The following CAMK4 variants were observed in gnomAD, a reference collection of about 807,000 sequenced individuals.
CAMK4 encodes calcium/calmodulin-dependent protein kinase type IV.
A neutral mutation model predicts 44.9 loss-of-function variants in CAMK4; 22 were observed. The observed-to-expected ratio is 0.49, with a 90% CI of 0.35 to 0.70. The LOEUF (loss-of-function observed/expected upper bound fraction) is 0.70. Among genes scored for constraint, CAMK4 ranks in the 30% least tolerant of loss-of-function variants. The pLI is 0.01. For synonymous variants in CAMK4, 218 were observed against 215.4 expected (o/e 1.01, Z -0.11); for missense variants, 498 against 586.8 (o/e 0.85, Z 1.56).
intron 5 of CAMK4, among the ~76,000 whole-genome samples, chr5:111,417,807 T>C (rs1752868546): frequency 6.6e-6 from 1 of 152,236 alleles, no homozygotes; most frequent in African/African-American, 2.4e-5. Flanking sequence ...CCTTGTATTA[T>C]CTAATAATTC....
At position 111,473,584 on chromosome 5, in the gene CAMK4, A is replaced by G. The variant is rs187456406; in HGVS notation, c.701+198A>G. ...ATTTTGGAATTTTCTTGAGACCGGA[A>G]TTCTTGTCCAGGGCTTTCCTATGTC... is the stretch of plus-strand genomic sequence containing the variant. On this transcript the variant is annotated intron_variant, in intron 8 of 10. Coordinates refer to ENST00000282356, the MANE Select transcript of CAMK4 (RefSeq NM_001744.6). 3.1e-4 allele frequency among the ~76,000 whole-genome samples: 47 copies of G among 152,310 alleles called. No homozygotes were observed. In the East Asian group the frequency reaches 3.5e-3, roughly 11 times the overall value.
intron 1 of CAMK4, among the ~76,000 whole-genome samples, chr5:111,293,726 C>A (rs1017548045): frequency 1.7e-4 from 26 of 148,586 alleles, no homozygotes; most frequent in Admixed American, 1.1e-3. Context: ...AGCCATCACG[C>A]CTGGCTGCTG....
intron 8 of CAMK4, among the ~76,000 whole-genome samples, chr5:111,477,312 G>C (rs1246955373): frequency 1.3e-5 from 2 of 152,218 alleles, no homozygotes; most frequent in African/African-American, 4.8e-5. Flanking sequence ...TGAGTAAAAG[G>C]ACATACGAAA....
intron 1 of CAMK4, among the ~76,000 whole-genome samples, chr5:111,262,063 GT>G (rs2112563554): frequency 6.6e-6 from 1 of 151,360 alleles, no homozygotes; most frequent in Non-Finnish European, 1.5e-5. Flanking sequence ...CCTTACATGG[GT>G]TTCTGAGCCC....
At chr5:111,244,416 C>G (rs1214378957) in intron 1 of CAMK4, among the ~76,000 whole-genome samples, 4 of 152,236 alleles carry the variant, frequency 2.6e-5, no homozygotes, top group Middle Eastern at 3.4e-3. Flanking sequence ...ATTGGAATCA[C>G]AGTTAAGAAT....
chr5:111,252,029 G>A (rs180915207), intron 1 of CAMK4, among the ~76,000 whole-genome samples: 6 of 152,264 alleles, frequency 3.9e-5, no homozygotes, highest in African/African-American at 1.4e-4. Flanking sequence ...TGTTACTTCT[G>A]GAGTCGTGTT....
At chr5:111,425,432 G>A (rs1753191143) in intron 5 of CAMK4, among the ~76,000 whole-genome samples, 1 of 152,156 alleles carries the variant, frequency 6.6e-6, no homozygotes, top group African/African-American at 2.4e-5. Flanking sequence ...AGCTTCCTGT[G>A]CTTTCAAAAT....
At chr5:111,326,868 T>C (rs1435742603) in intron 1 of CAMK4, among the ~76,000 whole-genome samples, 2 of 151,962 alleles carry the variant, frequency 1.3e-5, no homozygotes, top group Non-Finnish European at 2.9e-5. Context: ...AATAGGGTTG[T>C]GCATGGACCA....
At chr5:111,383,341 A>T (rs1356149563) in intron 4 of CAMK4, among the ~76,000 whole-genome samples, 1 of 152,222 alleles carries the variant, frequency 6.6e-6, no homozygotes, top group Non-Finnish European at 1.5e-5. Context: ...ATTTTGAAAA[A>T]GAAAGACTTT....
At chr5:111,417,300 T>G (rs1030412787) in intron 5 of CAMK4, among the ~76,000 whole-genome samples, 1 of 150,754 alleles carries the variant, frequency 6.6e-6, no homozygotes, top group Admixed American at 6.6e-5. Flanking sequence ...TCTCAGTACC[T>G]CCGCCCCCCG....
At chr5:111,245,765 C>T (rs749421523) in intron 1 of CAMK4, among the ~76,000 whole-genome samples, 59 of 152,164 alleles carry the variant, frequency 3.9e-4, no homozygotes, top group Admixed American at 1.8e-3. Context: ...TAAAATGCTG[C>T]GCATTCATGG....
chr5:111,470,670 T>C (rs1755032360), intron 7 of CAMK4, among the ~76,000 whole-genome samples: 1 of 152,208 alleles, frequency 6.6e-6, no homozygotes, highest in Admixed American at 6.5e-5. Context: ...GTGTTCCTTA[T>C]AGAAATTTTA....
At chr5:111,395,302 C>T (rs994710845) in intron 5 of CAMK4, among the ~76,000 whole-genome samples, 2 of 151,366 alleles carry the variant, frequency 1.3e-5, no homozygotes, top group Non-Finnish European at 2.9e-5. Context: ...ATTGATGACT[C>T]AAAGTCTGAA....
intron 2 of CAMK4, among the ~76,000 whole-genome samples, chr5:111,366,285 G>T (rs1750791348): frequency 6.6e-6 from 1 of 152,110 alleles, no homozygotes; most frequent in African/African-American, 2.4e-5. Context: ...AGGAAAATAA[G>T]ATAAGGCTGA....
intron 1 of CAMK4, among the ~76,000 whole-genome samples, chr5:111,231,192 T>G (rs765351120): frequency 6.6e-6 from 1 of 152,172 alleles, no homozygotes; most frequent in Non-Finnish European, 1.5e-5. Flanking sequence ...TCCTCAGTCA[T>G]TATCTTGTCA....
chr5:111,436,367 G>A (rs996360249), intron 5 of CAMK4, among the ~76,000 whole-genome samples: 9 of 152,180 alleles, frequency 5.9e-5, no homozygotes, highest in Non-Finnish European at 1.2e-4. Context: ...CACTGTCAGT[G>A]TGTTCTTTGT....
intron 4 of CAMK4, among the ~76,000 whole-genome samples, chr5:111,380,800 A>G (rs968065249): frequency 4.6e-5 from 7 of 152,210 alleles, no homozygotes; most frequent in African/African-American, 1.7e-4. Context: ...ACCTTCCAAA[A>G]AAGGAGATTT....
chr5:111,440,985 C>T (rs1753803906), intron 5 of CAMK4, among the ~76,000 whole-genome samples: 1 of 152,114 alleles, frequency 6.6e-6, no homozygotes, highest in African/African-American at 2.4e-5. Context: ...ATTTCTAATT[C>T]CCACTACAAT....
chr5:111,361,822 G>T (rs541361278), intron 2 of CAMK4, among the ~76,000 whole-genome samples: 6 of 152,084 alleles, frequency 3.9e-5, no homozygotes, highest in Admixed American at 3.9e-4. Flanking sequence ...GATTATATTA[G>T]GATACAGTTT....
Sources: gnomAD v4.1 joint callset for allele counts (sites outside exome capture counted in the v4.1 genomes callset) on GRCh38, gnomAD v4.1.1 for gene constraint, MANE v1.5 for transcripts, NCBI Gene and HGNC (gene_info 2026-07-23, HGNC 2026-07-21) for gene names.